ACVR2A: variants seen among roughly 807,000 people sequenced by gnomAD.
ACVR2A encodes activin receptor type-2A.
In ACVR2A, 7 loss-of-function variants were observed where a neutral mutation model predicts 61.4. The observed-to-expected ratio is 0.11, with a 90% CI of 0.06 to 0.21. The LOEUF (loss-of-function observed/expected upper bound fraction) is 0.21. ACVR2A is among the 10% of genes least tolerant of loss of function. ACVR2A has a pLI of 1.00. For missense variants in ACVR2A, 322 were observed against 621.7 expected (o/e 0.52, Z 5.13); for synonymous variants, 193 against 208.3 (o/e 0.93, Z 0.63).
chr2:147,865,162 T>G (rs756737257), intron 1 of ACVR2A, among the ~76,000 whole-genome samples: 3 of 152,168 alleles, frequency 2.0e-5, no homozygotes, highest in African/African-American at 4.8e-5. Flanking sequence ...AGGATAGGGA[T>G]TGTGGCCCTC....
rs1686541779 is a variant in ACVR2A at position 147,889,917 on chromosome 2, A to G, written c.56-6384A>G. ...AGAACTATTATATAAATTAACTCAT[A>G]CTAGATTATGTGATTAGACTTACTG... On this transcript the variant is annotated intron_variant, in intron 1 of 10. Transcript: ENST00000241416. Among the ~76,000 whole-genome samples, 3 of 151,556 alleles carry G rather than the reference A, an allele frequency of 2.0e-5. No homozygotes were observed. The Admixed American group carries it at 2.0e-4, about 10-fold the overall frequency.
intron 4 of ACVR2A, chr2:147,900,499 C>G (rs1033696928): frequency 2.0e-5 from 3 of 152,008 alleles, no homozygotes; most frequent in Admixed American, 2.0e-4. Flanking sequence ...AGACTAAACA[C>G]TTCTTTTAAG....
intron 1 of ACVR2A, among the ~76,000 whole-genome samples, chr2:147,889,045 T>C (rs1233862787): frequency 6.6e-6 from 1 of 152,138 alleles, no homozygotes; most frequent in Non-Finnish European, 1.5e-5. Context: ...TCTAATGCTT[T>C]TTCTGCAACC....
At chr2:147,926,473 C>T (rs1029422010) in intron 10 of ACVR2A, among the ~76,000 whole-genome samples, 7 of 151,952 alleles carry the variant, frequency 4.6e-5, no homozygotes, top group Non-Finnish European at 7.4e-5. Flanking sequence ...GGTAACTTTG[C>T]TGATGACCAC....
chr2:147,918,273 AT>A (rs1687301000), intron 6 of ACVR2A, among the ~76,000 whole-genome samples, 173 bp from the exon 7 acceptor site: 1 of 151,940 alleles, frequency 6.6e-6, no homozygotes, highest in Non-Finnish European at 1.5e-5. Flanking sequence ...ATGTTTATTA[AT>A]GTGAAATGGA....
chr2:147,884,069 T>C (rs1384469358), intron 1 of ACVR2A, among the ~76,000 whole-genome samples: 1 of 152,180 alleles, frequency 6.6e-6, no homozygotes, highest in Non-Finnish European at 1.5e-5. Context: ...ATTGTGTGCA[T>C]GTTTGTTTCC....
intron 1 of ACVR2A, among the ~76,000 whole-genome samples, chr2:147,877,141 T>C (rs1277784924): frequency 1.3e-5 from 2 of 152,182 alleles, no homozygotes; most frequent in South Asian, 2.1e-4. Flanking sequence ...GCTTTTAACA[T>C]GGAGAAAAGT....
intron 1 of ACVR2A, among the ~76,000 whole-genome samples, chr2:147,881,605 G>GTGTGTA: frequency 4.1e-5 from 1 of 24,646 alleles, no homozygotes; most frequent in African/African-American, 6.9e-5. Flanking sequence ...GCTGCTTAGT[G>GTGTGTA]TGTGTGTGTG....
At chr2:147,900,306 G>A (rs1686839920) in intron 4 of ACVR2A, 1 of 156,998 alleles carries the variant, frequency 6.4e-6, no homozygotes, top group South Asian at 2.0e-4. Context: ...TTTTATCCAT[G>A]GGGATAGACT....
At chr2:147,876,757 C>T (rs1318102930) in intron 1 of ACVR2A, among the ~76,000 whole-genome samples, 1 of 152,078 alleles carries the variant, frequency 6.6e-6, no homozygotes, top group African/African-American at 2.4e-5. Flanking sequence ...GGAGAGGATA[C>T]GTGAGTTCCA....
intron 8 of ACVR2A, among the ~76,000 whole-genome samples, chr2:147,922,130 G>A (rs1008431855): frequency 1.3e-5 from 2 of 151,986 alleles, no homozygotes; most frequent in African/African-American, 4.8e-5. Flanking sequence ...ATTCTGAGTA[G>A]TAAATTTTTT....
At chr2:147,882,901 T>TAA (rs545626487) in intron 1 of ACVR2A, among the ~76,000 whole-genome samples, 1 of 147,164 alleles carries the variant, frequency 6.8e-6, no homozygotes, top group Non-Finnish European at 1.5e-5. Context: ...GGGCTTAGTT[T>TAA]AAAAAAAAAA....
At chr2:147,901,053 A>T (rs1050733844) in intron 4 of ACVR2A, among the ~76,000 whole-genome samples, 6 of 152,048 alleles carry the variant, frequency 3.9e-5, no homozygotes, top group African/African-American at 1.4e-4. Flanking sequence ...TATTTTGTAC[A>T]CCTTGAGTAT....
chr2:147,860,368 G>C (rs1685699494), intron 1 of ACVR2A, among the ~76,000 whole-genome samples: 1 of 152,028 alleles, frequency 6.6e-6, no homozygotes, highest in African/African-American at 2.4e-5. Flanking sequence ...GTGGGTGTAG[G>C]TAAAACAGGG....
At chr2:147,917,921 T>TACCA (rs1323491951) in intron 6 of ACVR2A, among the ~76,000 whole-genome samples, 1 of 151,990 alleles carries the variant, frequency 6.6e-6, no homozygotes, top group Non-Finnish European at 1.5e-5. Context: ...AGTGTGAAAG[T>TACCA]ACCATTAATG....
intron 4 of ACVR2A, among the ~76,000 whole-genome samples, chr2:147,907,164 A>T (rs538276135): frequency 5.5e-4 from 84 of 152,290 alleles, no homozygotes; most frequent in African/African-American, 1.9e-3. Flanking sequence ...TGCAAAGGAC[A>T]TGATCTCATT....
In ACVR2A at chr2:147,927,346, C is replaced by A; in HGVS notation, c.*72C>A. On this transcript the variant is annotated 3_prime_UTR_variant, in exon 11 of 11. Transcript: ENST00000241416. ...GCTGCTAAGCTAAAGAAACTGCTTA[C>A]AGTTTATTTTCTGTGTAAAATGAGT... 7.2e-7 allele frequency: 1 copy of A among 1,384,484 alleles called. No individual in the cohort carries two copies. Among genetic ancestry groups the A allele is most frequent in the Non-Finnish European group, 9.8e-7 (1 of 1,018,276 alleles). 85.8% of individuals were successfully genotyped at this position (1,384,484 alleles called of 1,614,324 possible). A position where few individuals can be genotyped will look rare whatever the true frequency, so the allele number is the denominator to read the frequency against.
intron 8 of ACVR2A, 96 bp from the exon 9 acceptor site, chr2:147,922,877 A>T: frequency 7.6e-7 from 1 of 1,321,030 alleles, no homozygotes; most frequent in East Asian, 2.3e-5. Flanking sequence ...TTACCCTGGT[A>T]ATAGACCACA....
chr2:147,846,388 G>A (rs939562678), intron 1 of ACVR2A, among the ~76,000 whole-genome samples: 3 of 151,644 alleles, frequency 2.0e-5, no homozygotes, highest in African/African-American at 7.3e-5. Context: ...TGTGGGGTGT[G>A]TGTGTGTGTG....
Sources: allele counts gnomAD v4.1 joint callset (sites outside exome capture counted in the v4.1 genomes callset), GRCh38; gene constraint gnomAD v4.1.1; transcripts MANE v1.5; gene names NCBI Gene and HGNC (gene_info 2026-07-23, HGNC 2026-07-21).